The following TENM2 variants were observed in gnomAD, a reference collection of about 807,000 sequenced individuals.
The protein encoded by TENM2 is teneurin transmembrane protein 2.
Under a neutral mutation model 245.2 loss-of-function variants are expected in TENM2, and 52 were observed. The observed-to-expected ratio is 0.21, with a 90% CI of 0.17 to 0.27. The LOEUF (loss-of-function observed/expected upper bound fraction) is 0.27. Among genes scored for constraint, TENM2 ranks in the 10% least tolerant of loss-of-function variants. The pLI is 1.00. For synonymous variants in TENM2, 1,363 were observed against 1,438.9 expected, an observed-to-expected ratio of 0.95 and a Z score of 1.19; for missense variants, 3,046 against 3,666.8, an observed-to-expected ratio of 0.83 and a Z score of 4.37.
intron 17 of TENM2, 70 bp from the exon 20 acceptor site, chr5:168,203,619 A>C: frequency 2.1e-6 from 3 of 1,412,342 alleles, no homozygotes; most frequent in Non-Finnish European, 2.9e-6. Context: ...CATTCTTGCT[A>C]CAGAGCTCTG....
chr5:167,602,268 G>A (rs996594964), intron 2 of TENM2, among the ~76,000 whole-genome samples: 1 of 152,042 alleles, frequency 6.6e-6, no homozygotes, highest in Non-Finnish European at 1.5e-5. Context: ...GGAAAAATGA[G>A]CCAAACAATT....
chr5:167,674,917 A>T (rs1756213999), intron 2 of TENM2, among the ~76,000 whole-genome samples: 2 of 152,118 alleles, frequency 1.3e-5, no homozygotes, highest in African/African-American at 4.8e-5. Flanking sequence ...GGCTCTGCTG[A>T]GCTCTAGCCC....
the TENM2 span, among the ~76,000 whole-genome samples, chr5:167,022,016 A>G: frequency 9.8e-5 from 15 of 152,340 alleles, no homozygotes; most frequent in African/African-American, 3.1e-4. Context: ...CCTTGATTCA[A>G]TTGTCCAAAT....
chr5:167,061,700 G>A, the TENM2 span, among the ~76,000 whole-genome samples: 6 of 152,044 alleles, frequency 3.9e-5, no homozygotes, highest in African/African-American at 1.4e-4. Flanking sequence ...GTCTTCTAGA[G>A]GCAGGTAACT....
At chr5:168,110,633 G>T (rs1296340020) in intron 9 of TENM2, among the ~76,000 whole-genome samples, 2 of 152,120 alleles carry the variant, frequency 1.3e-5, no homozygotes, top group Non-Finnish European at 2.9e-5. Flanking sequence ...CATGCTTGCG[G>T]GTAATAGGAC....
chr5:167,766,674 C>T lies in TENM2; in HGVS notation c.503-109312C>T, dbSNP rs193205417. 1.0e-3 allele frequency among the ~76,000 whole-genome samples: 154 copies of T among 152,032 alleles called. 1 individual carries two copies. Among genetic ancestry groups the T allele is most frequent in the African/African-American group, 3.5e-3 (147 of 41,470 alleles). On this transcript the variant is annotated intron_variant, in intron 2 of 28. Transcript: ENST00000518659. ...GGCAGATCACCTGAGGTCAGGAGTT[C>T]GAGACCAGCCTGGCCAACATGGTGA...
chr5:168,134,827 C>T (rs143109726), intron 12 of TENM2, among the ~76,000 whole-genome samples: 115 of 152,324 alleles, frequency 7.5e-4, no homozygotes, highest in African/African-American at 2.6e-3. Flanking sequence ...GTTCAGCAAC[C>T]TGCTGGCTTC....
intron 2 of TENM2, among the ~76,000 whole-genome samples, chr5:167,540,111 T>C (rs1441949701): frequency 6.6e-6 from 1 of 152,098 alleles, no homozygotes; most frequent in Non-Finnish European, 1.5e-5. Flanking sequence ...ATCGTTGGAG[T>C]AAATTTAGGC....
intron 1 of TENM2, among the ~76,000 whole-genome samples, chr5:167,316,428 T>C (rs1003913730): frequency 6.6e-6 from 1 of 152,172 alleles, no homozygotes; most frequent in East Asian, 1.9e-4. Context: ...CTGTGTAAGG[T>C]TGGATCTGGA....
chr5:167,334,156 AT>A lies in TENM2; in HGVS notation c.227-41038del, dbSNP rs549115921. 2.6e-4 allele frequency among the ~76,000 whole-genome samples: 40 copies of A among 152,224 alleles called. No individual in the cohort carries two copies. The East Asian group carries it at 7.5e-3, about 29-fold the overall frequency. ...AATGCAGAATACTTTCATTATTCCA[AT>A]TTTGACAATGGGAAAATTAAAATGA... On this transcript the variant is annotated intron_variant, in intron 1 of 28. Transcript: ENST00000518659.
At chr5:167,342,954 A>T (rs1234555012) in intron 1 of TENM2, among the ~76,000 whole-genome samples, 1 of 151,842 alleles carries the variant, frequency 6.6e-6, no homozygotes, top group Non-Finnish European at 1.5e-5. Flanking sequence ...GTATTTACAT[A>T]AATGATTTGG....
At chr5:168,126,515 G>A (rs1529683) in intron 11 of TENM2, among the ~76,000 whole-genome samples, 45,924 of 152,078 alleles carry the variant, frequency 0.3, 7,395 homozygotes, top group East Asian at 0.62. Context: ...CATTTCTAAC[G>A]AGTTCCCAGG....
At chr5:167,385,314 A>G (rs1761351362) in intron 2 of TENM2, among the ~76,000 whole-genome samples, 1 of 151,318 alleles carries the variant, frequency 6.6e-6, no homozygotes, top group South Asian at 2.1e-4. Context: ...CTCCCTTCTT[A>G]TCTCTAATCT....
At chr5:167,845,084 T>C (rs1157084388) in intron 2 of TENM2, among the ~76,000 whole-genome samples, 2 of 152,124 alleles carry the variant, frequency 1.3e-5, no homozygotes, top group East Asian at 1.9e-4. Context: ...CGTTCAGTCT[T>C]GTTTGTCATT....
chr5:167,487,250 T>G (rs927828653), intron 2 of TENM2, among the ~76,000 whole-genome samples: 1 of 152,180 alleles, frequency 6.6e-6, no homozygotes, highest in Non-Finnish European at 1.5e-5. Context: ...TATCTGAATT[T>G]GCACAATCAT....
chr5:167,433,422 G>A (rs1338731409), intron 2 of TENM2, among the ~76,000 whole-genome samples: 1 of 152,072 alleles, frequency 6.6e-6, no homozygotes, highest in Non-Finnish European at 1.5e-5. Context: ...ACAGTATCAG[G>A]TGGAGATTAA....
chr5:167,382,765 G>A (rs149584499), intron 2 of TENM2, among the ~76,000 whole-genome samples: 1,956 of 152,200 alleles, frequency 0.013, 20 homozygotes, highest in Non-Finnish European at 0.021. Context: ...AGAAAGTTAG[G>A]CACTGGAGGA....
chr5:167,449,515 GATA>G (rs1765435702), intron 2 of TENM2, among the ~76,000 whole-genome samples: 2 of 11,624 alleles, frequency 1.7e-4, no homozygotes, highest in South Asian at 3.6e-3. Flanking sequence ...TATGCAGATA[GATA>G]GATAGATAGA....
At chr5:167,266,022 A>G in the TENM2 span, among the ~76,000 whole-genome samples, 44 of 152,264 alleles carry the variant, frequency 2.9e-4, no homozygotes, top group Admixed American at 1.1e-3. Flanking sequence ...TTGGAGATAC[A>G]CAAGAAGTGC....
Sources: gnomAD v4.1 joint callset for allele counts (sites outside exome capture counted in the v4.1 genomes callset) on GRCh38, gnomAD v4.1.1 for gene constraint, MANE v1.5 for transcripts, NCBI Gene and HGNC (gene_info 2026-07-23, HGNC 2026-07-21) for gene names.